The following LRP4 variants were observed in gnomAD, a reference collection of about 807,000 sequenced individuals.
LRP4 encodes the protein LDL receptor related protein 4, also known as low-density lipoprotein receptor-related protein 4.
Under a neutral mutation model 220.3 loss-of-function variants are expected in LRP4, and 95 were observed. The observed-to-expected ratio is 0.43, with a 90% confidence interval of 0.37 to 0.51. The LOEUF (loss-of-function observed/expected upper bound fraction) is 0.51, where lower values mean the gene tolerates loss of function less well. LRP4 is among the 20% of genes least tolerant of loss of function. The pLI is 0.00. For synonymous variants in LRP4, 903 were observed against 954.6 expected, an observed-to-expected ratio of 0.95 and a Z score of 1.00; for missense variants, 1,925 against 2,567.0, an observed-to-expected ratio of 0.75 and a Z score of 5.40.
Position 46,879,176 on chromosome 11 carries a change from T to A in LRP4, c.2954A>T (p.Asn985Ile). The A allele has an allele frequency of 6.2e-7, 1 of 1,614,236 alleles. No homozygotes were observed. ...TGLDRETLQE[N>I]LENLMDIHVF... Reference sequence around the variant, plus strand: ...ATGGATGTCCATTAGGTTTTCCAGGTTCTCCTGCAGAGTCTCCCGGTCCAG... The same window carrying A: ...ATGGATGTCCATTAGGTTTTCCAGGATCTCCTGCAGAGTCTCCCGGTCCAG... Residue 985 changes from asparagine to isoleucine, a missense_variant, in exon 21 of 38, where the codon AAC becomes ATC. By Grantham distance (149) the Asn-to-Ile change is moderately radical. Transcript: ENST00000378623.
At chr11:46,872,564 C>T (rs753808121) in intron 30 of LRP4, among the ~76,000 whole-genome samples, 1 of 152,164 alleles carries the variant, frequency 6.6e-6, no homozygotes, top group Non-Finnish European at 1.5e-5. Flanking sequence ...GGCAACATAG[C>T]GAGATGCTGT....
chr11:46,883,941 T>C lies in LRP4; in HGVS notation c.2542A>G (p.Ser848Gly). The change falls in exon 19 of 38, where the codon AGC becomes GGC. Residue 848 changes from serine (S) to glycine (G), a missense_variant. Physicochemically the swap from Ser to Gly is moderately conservative, Grantham distance 56. Around this residue, in one of 3 missense-constraint regions of LRP4, gnomAD observed 1,244 missense variants for 1,624.9 expected, o/e 0.77. Coordinates refer to ENST00000378623, the MANE Select transcript of LRP4 (RefSeq NM_002334.4). ...DRIEVANTDG[S>G]MRTVLIWENL... The stretch of plus-strand genomic sequence containing the variant: ...TCCCAGATGAGTACTGTTCTCATGC[T>C]GCCATCTGTGTTGGCTACTTCAATC... 1 of 1,614,226 alleles carries C rather than the reference T, an allele frequency of 6.2e-7. No homozygotes were observed.
intron 33 of LRP4, 64 bp from the exon 34 acceptor site, chr11:46,868,178 G>C (rs1940754073): frequency 1.2e-6 from 2 of 1,601,732 alleles, no homozygotes; most frequent in South Asian, 2.2e-5. Flanking sequence ...TGGCCCAAGA[G>C]TAGCAGCTGG....
At chr11:46,900,086 CTCCGA>C in intron 3 of LRP4, 110 bp from the exon 4 acceptor site, 1 of 1,029,534 alleles carries the variant, frequency 9.7e-7, no homozygotes, top group East Asian at 2.4e-5. Flanking sequence ...GCCCTGAGGG[CTCCGA>C]AGGAGGTGGC....
At chr11:46,881,039 G>A (rs907955582) in intron 20 of LRP4, among the ~76,000 whole-genome samples, 2 of 111,028 alleles carry the variant, frequency 1.8e-5, no homozygotes, top group African/African-American at 3.5e-5. Flanking sequence ...GACACAGCAT[G>A]ACCCTGCCTC....
rs752076926 is a variant in LRP4, at chr11:46,898,609, G to A, written c.745C>T (p.Arg249Cys). 40 of 1,614,096 alleles carry A rather than the reference G, an allele frequency of 2.5e-5. No homozygotes were observed. The highest frequency in any genetic ancestry group is 8.9e-5 in the East Asian group (4 of 44,882). The change falls in exon 7 of 38, where the codon CGC becomes TGC. Residue 249 changes from arginine (R) to cysteine (C), a missense_variant. By Grantham distance (180) the Arg-to-Cys change is radical (BLOSUM62 -3). Coordinates refer to ENST00000378623, the MANE Select transcript of LRP4 (RefSeq NM_002334.4). Reference protein sequence around the residue: ...DSGLCINAGWRCDGDADCDDQ... With the variant: ...DSGLCINAGWCCDGDADCDDQ... The stretch of plus-strand genomic sequence containing the variant: ...TCACAGTCCGCGTCACCATCGCAGC[G>A]CCAGCCTGCATTGATGCACAGGCCA...
rs200509094 is a variant in LRP4 at position 46,894,828 on chromosome 11, C to G, written c.1310-9G>C. On this transcript the variant is annotated splice_polypyrimidine_tract_variant and intron_variant, in intron 11 of 37. Coordinates refer to ENST00000378623, the MANE Select transcript of LRP4 (RefSeq NM_002334.4). ...CAGCACAGGCTCTGGCCCTGGGAAA[C>G]AGTATAAACATGGGATACCCACTGG... is the stretch of plus-strand genomic sequence containing the variant. 2.1e-4 allele frequency: 341 copies of G among 1,612,444 alleles called. No individual in the cohort carries two copies. The highest frequency in any genetic ancestry group is 2.6e-4 in the Non-Finnish European group (308 of 1,178,512).
At chr11:46,888,692 A>T (rs1941355118) in intron 16 of LRP4, among the ~76,000 whole-genome samples, 1 of 152,094 alleles carries the variant, frequency 6.6e-6, no homozygotes, top group Admixed American at 6.5e-5. Context: ...TCCCAGGAGA[A>T]TTTTATTTTA....
chr11:46,887,035 G>A (rs1366120992), intron 16 of LRP4, among the ~76,000 whole-genome samples: 3 of 152,302 alleles, frequency 2.0e-5, no homozygotes, highest in East Asian at 3.9e-4. Context: ...CCTCTCTCGT[G>A]TGTTATTCTT....
At chr11:46,868,765 A>G (rs765354791) in intron 32 of LRP4, 52 bp from the exon 33 acceptor site, 3 of 1,412,720 alleles carry the variant, frequency 2.1e-6, no homozygotes, top group African/African-American at 2.8e-5. Flanking sequence ...AGGTCTCCCA[A>G]TTTAAGGCTT....
intron 1 of LRP4, among the ~76,000 whole-genome samples, chr11:46,913,595 G>A (rs1298961036): frequency 6.6e-6 from 1 of 152,126 alleles, no homozygotes; most frequent in Non-Finnish European, 1.5e-5. Flanking sequence ...GAGCTCTGGA[G>A]CCTGACTCCT....
intron 1 of LRP4, among the ~76,000 whole-genome samples, chr11:46,911,841 CTT>C (rs540593524): frequency 5.1e-5 from 6 of 118,788 alleles, no homozygotes; most frequent in Admixed American, 9.6e-5. Flanking sequence ...TGGGAATCTT[CTT>C]TTTTTTTTTT....
At chr11:46,907,950 T>C (rs1174580941) in intron 1 of LRP4, among the ~76,000 whole-genome samples, 1 of 152,086 alleles carries the variant, frequency 6.6e-6, no homozygotes, top group Non-Finnish European at 1.5e-5. Flanking sequence ...CTTTTTTTTT[T>C]CCGAGATGGA....
chr11:46,883,789 C>G, intron 19 of LRP4, 82 bp downstream of exon 19: 1 of 1,094,332 alleles, frequency 9.1e-7, no homozygotes, highest in Non-Finnish European at 1.4e-6. Context: ...TCTGGTCACT[C>G]TTCCTAATCT....
rs771126504 is a variant in LRP4, at chr11:46,875,462, G to A, written c.3919C>T (p.Pro1307Ser). 1.2e-5 allele frequency: 20 copies of A among 1,613,748 alleles called. No homozygotes were observed. The Admixed American group carries it at 3.3e-4, about 27-fold the overall frequency. The change falls in exon 27 of 38, where the codon CCA becomes TCA. Residue 1307 changes from proline (P) to serine (S), a missense_variant. Transcript: ENST00000378623. This position sits in a 1 kb window ranked among gnomAD's most constrained non-coding sequence, Gnocchi z 4.5. ...CCAGCCCTCTGACTCTCACCTAGTG[G>A]CTGTGCCCGGTCCACAGCCTGCATG... The part of the protein sequence containing the change: ...MDMQAVDRAQ[P>S]LGFNKCGSRN...
chr11:46,894,947 G>T, intron 11 of LRP4, 128 bp from the exon 12 acceptor site: 1 of 1,029,802 alleles, frequency 9.7e-7, no homozygotes, highest in Non-Finnish European at 1.5e-6. Flanking sequence ...GTCAGCATCA[G>T]TACCAGAAGA....
At chr11:46,879,774 A>G (rs890452545) in intron 20 of LRP4, among the ~76,000 whole-genome samples, 4 of 152,176 alleles carry the variant, frequency 2.6e-5, no homozygotes, top group African/African-American at 9.7e-5. Context: ...TCTGAATCCA[A>G]TCACAAGGAA....
intron 7 of LRP4, among the ~76,000 whole-genome samples, chr11:46,897,966 C>T (rs1941575659): frequency 6.6e-6 from 1 of 151,352 alleles, no homozygotes; most frequent in African/African-American, 2.4e-5. Flanking sequence ...AGAGGCGCCC[C>T]TCACCTCCCG....
At chr11:46,874,640 T>C (rs1010073391) in intron 28 of LRP4, among the ~76,000 whole-genome samples, 160 bp downstream of exon 28, 4 of 152,210 alleles carry the variant, frequency 2.6e-5, no homozygotes, top group Non-Finnish European at 4.4e-5. Flanking sequence ...AGTTTGAAAC[T>C]CTGCTGTAAG....
Sources: allele counts gnomAD v4.1 joint callset (sites outside exome capture counted in the v4.1 genomes callset), GRCh38; gene constraint gnomAD v4.1.1; regional missense constraint gnomAD v4.1.1; non-coding constraint Gnocchi (gnomAD v3.1); transcripts MANE v1.5; gene names NCBI Gene and HGNC (gene_info 2026-07-23, HGNC 2026-07-21).